Variants in CEP128 observed in about 807,000 individuals in gnomAD.
The protein encoded by CEP128 is centrosomal protein 128, also known as centrosomal protein 128kDa.
A neutral mutation model predicts 156.7 loss-of-function variants in CEP128; 132 were observed. The ratio of observed to expected loss-of-function variants is 0.84; its 90% confidence interval spans 0.73 to 0.97. The LOEUF is 0.97. CEP128 is among the 50% of genes least tolerant of loss of function. The pLI, the probability that CEP128 is intolerant of heterozygous loss-of-function variation, is 0.00. For missense variants in CEP128, 1,252 were observed against 1,281.9 expected (o/e 0.98, Z 0.36); for synonymous variants, 469 against 448.9 (o/e 1.04, Z -0.57).
intron 19 of CEP128, among the ~76,000 whole-genome samples, chr14:80,677,956 T>C (rs1288907305): frequency 6.6e-6 from 1 of 151,712 alleles, no homozygotes; most frequent in Non-Finnish European, 1.5e-5. Context: ...AACCAATTTA[T>C]GCTTTTCAGA....
intron 17 of CEP128, among the ~76,000 whole-genome samples, chr14:80,758,951 C>T (rs1240129777): frequency 6.6e-6 from 1 of 152,176 alleles, no homozygotes; most frequent in African/African-American, 2.4e-5. Context: ...GAACCTATAC[C>T]TGTCTTGATC....
intron 19 of CEP128, among the ~76,000 whole-genome samples, chr14:80,697,434 A>G (rs1305188355): frequency 6.6e-6 from 1 of 152,116 alleles, no homozygotes; most frequent in African/African-American, 2.4e-5. Flanking sequence ...ATCTTTAGAA[A>G]TATCTGAAAT....
rs150751914 is a variant in CEP128, at chr14:80,648,507, C to A, written c.2807-68084G>T. ...AGCCCTCCTTTGGTATACTTCATTT[C>A]TTTATTAAATTAACTTCTACTCCAA... On this transcript the variant is annotated intron_variant, in intron 19 of 24. Transcript: ENST00000555265. Among the ~76,000 whole-genome samples the A allele has an allele frequency of 3.3e-5, 5 of 152,026 alleles. No homozygotes were observed. In the East Asian group the frequency reaches 5.8e-4, roughly 18 times the overall value.
intron 14 of CEP128, among the ~76,000 whole-genome samples, chr14:80,786,006 G>A (rs1901389035): frequency 6.6e-6 from 1 of 152,082 alleles, no homozygotes; most frequent in Admixed American, 6.5e-5. Flanking sequence ...GAAGCATGCA[G>A]ATACAATACA....
chr14:80,797,150 G>A (rs1013697564), intron 13 of CEP128, among the ~76,000 whole-genome samples: 1 of 152,138 alleles, frequency 6.6e-6, no homozygotes, highest in African/African-American at 2.4e-5. Flanking sequence ...GAACCCAGAA[G>A]CAAAGTAACT....
At chr14:80,944,309 G>T (rs67231034), upstream of CEP128, among the ~76,000 whole-genome samples, 55,313 of 151,644 alleles carry the variant, frequency 0.36, 10,117 homozygotes, top group East Asian at 0.51. Flanking sequence ...ACATGTTGGG[G>T]GAGGAACCTT....
chr14:80,684,234 T>C (rs748526377), intron 19 of CEP128, among the ~76,000 whole-genome samples: 2 of 151,782 alleles, frequency 1.3e-5, no homozygotes, highest in Non-Finnish European at 2.9e-5. Flanking sequence ...AAGATGCAAA[T>C]AAGCACAATT....
chr14:80,958,513 G>A (rs17544306), intron 1 of CEP128, among the ~76,000 whole-genome samples: 3,840 of 152,122 alleles, frequency 0.025, 103 homozygotes, highest in Non-Finnish European at 0.04. Context: ...TGATAACCTC[G>A]GGGGCTATTC....
intron 19 of CEP128, among the ~76,000 whole-genome samples, chr14:80,613,579 G>A (rs1244140876): frequency 6.6e-6 from 1 of 151,900 alleles, no homozygotes; most frequent in Non-Finnish European, 1.5e-5. Flanking sequence ...GAAGGGCTGG[G>A]ATTACAGGTG....
rs142874790 is a variant in CEP128 at position 80,482,585 on chromosome 14, G to A, written c.*311-4178C>T. Among the ~76,000 whole-genome samples, 102 of 152,290 alleles carry A rather than the reference G, an allele frequency of 6.7e-4. 1 individual carries two copies. The highest frequency in any genetic ancestry group is 2.2e-3 in the African/African-American group (93 of 41,572). The stretch of plus-strand genomic sequence containing the variant: ...CATCTAACTATAGCATAGGGCCTAG[G>A]AAGCTTTGTTAATATGAGCGACAAG... On this transcript the variant is annotated intron_variant and NMD_transcript_variant, in intron 14 of 14. Coordinates refer to the CEP128 transcript ENST00000554502.
chr14:80,809,086 A>C (rs186804193), intron 13 of CEP128, among the ~76,000 whole-genome samples: 20 of 152,330 alleles, frequency 1.3e-4, no homozygotes, highest in Admixed American at 1.3e-3. Flanking sequence ...GCTCAGTGAA[A>C]GACAAAAAAA....
intron 20 of CEP128, among the ~76,000 whole-genome samples, chr14:80,563,172 C>A (rs1372569046): frequency 3.9e-5 from 6 of 152,030 alleles, no homozygotes; most frequent in African/African-American, 1.4e-4. Context: ...GTTCATTACT[C>A]CACCCACCCT....
In CEP128 at chr14:80,924,794, A is replaced by G. The variant is rs76158400; in HGVS notation, c.-15-8232T>C. Among the ~76,000 whole-genome samples, 409 of 152,226 alleles carry G rather than the reference A, an allele frequency of 2.7e-3. 4 individuals are homozygous for G. Among genetic ancestry groups the G allele is most frequent in the African/African-American group, 9.5e-3 (394 of 41,530 alleles). On this transcript the variant is annotated intron_variant, in intron 2 of 24. Coordinates refer to ENST00000555265, the MANE Select transcript of CEP128 (RefSeq NM_152446.5). ...ATAAAAACATTTGAAAGCCACTACT[A>G]TAACTAAAGAAAAAAAACTGAAGGA...
intron 1 of CEP128, among the ~76,000 whole-genome samples, chr14:80,958,729 T>A (rs1442281889): frequency 1.3e-5 from 2 of 152,038 alleles, no homozygotes; most frequent in Non-Finnish European, 2.9e-5. Flanking sequence ...ATAAACCAAG[T>A]TTTTGTCATT....
intron 19 of CEP128, among the ~76,000 whole-genome samples, chr14:80,725,161 C>T (rs1897973958): frequency 6.7e-6 from 1 of 149,748 alleles, no homozygotes. Flanking sequence ...TAGGTTTACT[C>T]TTTGTCATTC....
At chr14:80,643,718 C>A (rs1046715586) in intron 19 of CEP128, among the ~76,000 whole-genome samples, 1 of 84,520 alleles carries the variant, frequency 1.2e-5, no homozygotes, top group Admixed American at 1.3e-4. Flanking sequence ...TCAAAAAAAT[C>A]GTGGTGGTAC....
chr14:80,821,773 T>A (rs545112396), intron 13 of CEP128, among the ~76,000 whole-genome samples: 1 of 151,642 alleles, frequency 6.6e-6, no homozygotes, highest in East Asian at 1.9e-4. Context: ...CCTCCCAGAC[T>A]CCAGTGATTC....
intron 21 of CEP128, among the ~76,000 whole-genome samples, chr14:80,550,591 C>T (rs977784566): frequency 6.6e-6 from 1 of 151,576 alleles, no homozygotes; most frequent in Admixed American, 6.6e-5. Flanking sequence ...TTTAGTTTAT[C>T]CTAATATAAA....
At chr14:80,836,080 T>C in intron 12 of CEP128, 125 bp downstream of exon 12, 1 of 871,546 alleles carries the variant, frequency 1.1e-6, no homozygotes, top group Admixed American at 2.4e-5. Flanking sequence ...GTTTAATAGA[T>C]CAAGAAATAG....
Sources: gnomAD v4.1 joint callset for allele counts (sites outside exome capture counted in the v4.1 genomes callset) on GRCh38, gnomAD v4.1.1 for gene constraint, MANE v1.5 for transcripts, NCBI Gene and HGNC (gene_info 2026-07-23, HGNC 2026-07-21) for gene names.